PCDH9: variants seen among roughly 807,000 people sequenced by gnomAD.
PCDH9 encodes protocadherin-9.
Under a neutral mutation model 70.6 loss-of-function variants are expected in PCDH9, and 24 were observed. The observed-to-expected ratio is 0.34, with a 90% confidence interval of 0.25 to 0.48. PCDH9 has a LOEUF of 0.48. PCDH9 is among the 20% of genes least tolerant of loss of function. The probability of loss-of-function intolerance (pLI) is 0.99; values close to 1 mark genes in which losing one functional copy is unlikely to be tolerated. For missense variants in PCDH9, 1,281 were observed against 1,503.6 expected, an observed-to-expected ratio of 0.85 and a Z score of 2.45; for synonymous variants, 562 against 558.5, an observed-to-expected ratio of 1.01 and a Z score of -0.09.
At chr13:66,325,239 G>A (rs560787296) in intron 4 of PCDH9, among the ~76,000 whole-genome samples, 4 of 152,036 alleles carry the variant, frequency 2.6e-5, no homozygotes, top group Admixed American at 6.5e-5. Context: ...TCATTCTAGC[G>A]ATGGATGTTG....
intron 2 of PCDH9, chr13:67,220,285 G>C (rs556479054): frequency 6.6e-6 from 1 of 152,000 alleles, no homozygotes; most frequent in Admixed American, 6.6e-5. Flanking sequence ...TATGAAAAAG[G>C]ATGCGTTACA....
At chr13:66,994,807 C>T (rs147214518) in intron 2 of PCDH9, among the ~76,000 whole-genome samples, 6 of 152,246 alleles carry the variant, frequency 3.9e-5, no homozygotes, top group South Asian at 2.1e-4. Flanking sequence ...CCCTACTCTA[C>T]GCTATATATA....
chr13:67,037,630 A>G (rs2085036144), intron 2 of PCDH9, among the ~76,000 whole-genome samples: 1 of 152,188 alleles, frequency 6.6e-6, no homozygotes, highest in Admixed American at 6.5e-5. Context: ...TTCTTGTTAC[A>G]TTGTGAAAAT....
intron 4 of PCDH9, among the ~76,000 whole-genome samples, chr13:66,570,996 A>G (rs9529097): frequency 0.17 from 26,076 of 151,952 alleles, 2,602 homozygotes; most frequent in Non-Finnish European, 0.22. Context: ...GAACTATTCA[A>G]TAATAGAAAT....
intron 3 of PCDH9, among the ~76,000 whole-genome samples, chr13:66,901,467 C>A (rs1422909216): frequency 6.6e-6 from 1 of 151,610 alleles, no homozygotes. Context: ...CAACCTAGTT[C>A]AAAACCATTC....
intron 2 of PCDH9, among the ~76,000 whole-genome samples, chr13:67,130,009 CTT>C (rs34001963): frequency 6.6e-6 from 1 of 152,100 alleles, no homozygotes; most frequent in African/African-American, 2.4e-5. Context: ...TAGCAATAGA[CTT>C]TTCTTTTAGG....
intron 4 of PCDH9, among the ~76,000 whole-genome samples, chr13:66,397,929 G>A (rs866050356): frequency 1.1e-4 from 17 of 151,346 alleles, no homozygotes; most frequent in African/African-American, 3.9e-4. Flanking sequence ...CAGTATTTTT[G>A]AAAAAAGAGA....
chr13:66,665,176 G>A (rs965211768), intron 3 of PCDH9, among the ~76,000 whole-genome samples: 2 of 148,814 alleles, frequency 1.3e-5, no homozygotes, highest in Non-Finnish European at 3.0e-5. Flanking sequence ...GTGAGACCTC[G>A]CCTCACTACA....
chr13:66,513,709 C>A (rs900822565), intron 4 of PCDH9, among the ~76,000 whole-genome samples: 2 of 151,168 alleles, frequency 1.3e-5, no homozygotes, highest in Admixed American at 6.6e-5. Context: ...AATGTGTAAC[C>A]TTTCTTAAGT....
chr13:67,176,384 T>C (rs1364850526), intron 2 of PCDH9, among the ~76,000 whole-genome samples: 1 of 152,042 alleles, frequency 6.6e-6, no homozygotes, highest in Admixed American at 6.6e-5. Flanking sequence ...GCACAAGCAT[T>C]TTACCCCACT....
At chr13:66,679,060 A>C (rs1435536022) in intron 3 of PCDH9, among the ~76,000 whole-genome samples, 3 of 151,654 alleles carry the variant, frequency 2.0e-5, no homozygotes, top group African/African-American at 7.3e-5. Context: ...TATTATATAA[A>C]TAATACATAA....
At chr13:66,431,856 C>G (rs909044062) in intron 4 of PCDH9, among the ~76,000 whole-genome samples, 7 of 151,916 alleles carry the variant, frequency 4.6e-5, no homozygotes, top group Non-Finnish European at 1.0e-4. Flanking sequence ...TCTCATCATT[C>G]TCTTTGATAT....
intron 3 of PCDH9, among the ~76,000 whole-genome samples, chr13:66,799,391 G>A (rs2080293229): frequency 6.6e-6 from 1 of 152,068 alleles, no homozygotes; most frequent in Non-Finnish European, 1.5e-5. Context: ...GGCATGATTG[G>A]TATCACTTAA....
intron 3 of PCDH9, among the ~76,000 whole-genome samples, chr13:66,839,527 A>C (rs1201061941): frequency 6.6e-6 from 1 of 152,190 alleles, no homozygotes; most frequent in Non-Finnish European, 1.5e-5. Flanking sequence ...GGGTACTTGC[A>C]GTGGCCTTTG....
At chr13:66,703,912 A>T (rs188863466) in intron 3 of PCDH9, among the ~76,000 whole-genome samples, 160 of 97,756 alleles carry the variant, frequency 1.6e-3, no homozygotes, top group East Asian at 0.013. Flanking sequence ...ATTAAAAATT[A>T]AAAAAAAATA....
intron 2 of PCDH9, among the ~76,000 whole-genome samples, chr13:67,106,501 C>T (rs1333644238): frequency 6.6e-6 from 1 of 152,196 alleles, no homozygotes; most frequent in Non-Finnish European, 1.5e-5. Flanking sequence ...CATGGTGAAA[C>T]TTAATTTGGC....
intron 4 of PCDH9, among the ~76,000 whole-genome samples, chr13:66,430,730 G>A (rs1027272785): frequency 6.6e-6 from 1 of 151,946 alleles, no homozygotes; most frequent in Non-Finnish European, 1.5e-5. Flanking sequence ...TTGGCATATT[G>A]CACTGAATTA....
intron 2 of PCDH9, among the ~76,000 whole-genome samples, chr13:67,150,546 G>A (rs1217040207): frequency 6.6e-6 from 1 of 152,050 alleles, no homozygotes; most frequent in Non-Finnish European, 1.5e-5. Context: ...ATGGCCCCAG[G>A]GTGTTCCCTC....
In PCDH9 at chr13:66,561,330, C is replaced by T. The variant is rs560908840; in HGVS notation, c.3340+69880G>A. ...ACCCACTCTGTGGGCTCCTGTGCCG[C>T]CCGAGCCTCCCGGAGGAGTGCCGCC... On this transcript the variant is annotated intron_variant, in intron 4 of 4. Coordinates refer to ENST00000377865, the MANE Select transcript of PCDH9 (RefSeq NM_203487.3). 3.6e-3 allele frequency among the ~76,000 whole-genome samples: 544 copies of T among 152,304 alleles called. 8 individuals are homozygous for T. The highest frequency in any genetic ancestry group is 3.4e-3 in the Non-Finnish European group (234 of 68,014).
Sources: allele counts gnomAD v4.1 joint callset (sites outside exome capture counted in the v4.1 genomes callset), GRCh38; gene constraint gnomAD v4.1.1; transcripts MANE v1.5; gene names NCBI Gene and HGNC (gene_info 2026-07-23, HGNC 2026-07-21).